ZNF362: variants seen among roughly 807,000 people sequenced by gnomAD.
ZNF362 encodes the protein zinc finger protein 362.
Under a neutral mutation model 42.9 loss-of-function variants are expected in ZNF362, and 11 were observed. That is an observed-to-expected ratio of 0.26 (90% CI 0.16 to 0.42). ZNF362 has a LOEUF of 0.42. ZNF362 is among the 20% of genes least tolerant of loss of function. The probability of loss-of-function intolerance (pLI) is 1.00; values close to 1 mark genes in which losing one functional copy is unlikely to be tolerated. For synonymous variants in ZNF362, 255 were observed against 257.3 expected, an observed-to-expected ratio of 0.99 and a Z score of 0.09; for missense variants, 362 against 576.2, an observed-to-expected ratio of 0.63 and a Z score of 3.81.
chr1:33,222,328 C>A, the ZNF362 span, among the ~76,000 whole-genome samples: 1 of 152,148 alleles, frequency 6.6e-6, no homozygotes, highest in Non-Finnish European at 1.5e-5. Context: ...CCCTGTACAT[C>A]CTACCTCCAA....
At chr1:33,180,963 C>G in the ZNF362 span, 1 of 575,234 alleles carries the variant, frequency 1.7e-6, no homozygotes. Context: ...TGACCCCACC[C>G]CCCGCCCGGC....
At chr1:33,203,651 A>G in the ZNF362 span, among the ~76,000 whole-genome samples, 1 of 152,094 alleles carries the variant, frequency 6.6e-6, no homozygotes, top group Non-Finnish European at 1.5e-5. Context: ...CATCTTTTTG[A>G]TAATAACCAT....
chr1:33,295,286 G>A lies in ZNF362; in HGVS notation c.1127G>A (p.Cys376Tyr), dbSNP rs762700780. The A allele has an allele frequency of 6.2e-7, 1 of 1,614,188 alleles. No individual in the cohort carries two copies. Residue 376 changes from cysteine to tyrosine, a missense_variant, in exon 8 of 9, where the codon TGT becomes TAT. Cys to Tyr is a radical substitution (Grantham distance 194). Transcript: ENST00000539719. ...GCCAAGGCCTACTGCTGCAGCATGT[G>A]TGGGCGGGCCTACACCTCGGTGAGT... The part of the protein sequence containing the change: ...KHAKAYCCSM[C>Y]GRAYTSETYL...
chr1:33,249,134 G>A, the ZNF362 span, among the ~76,000 whole-genome samples: 6 of 152,222 alleles, frequency 3.9e-5, no homozygotes, highest in Non-Finnish European at 8.8e-5. Context: ...GAAGATGGTA[G>A]AAGGTCACCC....
the ZNF362 span, among the ~76,000 whole-genome samples, chr1:33,190,288 G>A: frequency 6.6e-6 from 1 of 152,092 alleles, no homozygotes; most frequent in African/African-American, 2.4e-5. Context: ...AGATCTCTGT[G>A]GGTAAGGGCC....
chr1:33,271,094 C>G (rs1021909113), intron 2 of ZNF362, among the ~76,000 whole-genome samples: 10 of 152,188 alleles, frequency 6.6e-5, no homozygotes, highest in African/African-American at 2.4e-4. Context: ...CTAGTCCCCT[C>G]TACATTGGGC....
the ZNF362 span, among the ~76,000 whole-genome samples, chr1:33,209,134 T>A: frequency 6.6e-6 from 1 of 152,184 alleles, no homozygotes; most frequent in Non-Finnish European, 1.5e-5. Context: ...CATGAAAGGC[T>A]GTTGAATTTT....
chr1:33,264,792 A>G (rs1361165546), intron 1 of ZNF362, among the ~76,000 whole-genome samples: 1 of 152,050 alleles, frequency 6.6e-6, no homozygotes, highest in African/African-American at 2.4e-5. Context: ...TACCTCTCTG[A>G]GCCTCATTCC....
intron 2 of ZNF362, among the ~76,000 whole-genome samples, chr1:33,275,703 C>A (rs1294061128): frequency 6.6e-6 from 1 of 152,192 alleles, no homozygotes; most frequent in Non-Finnish European, 1.5e-5. Flanking sequence ...TTGCTGCAGT[C>A]CTCCCCAGTT....
At chr1:33,137,043 G>T in the ZNF362 span, among the ~76,000 whole-genome samples, 1 of 151,938 alleles carries the variant, frequency 6.6e-6, no homozygotes, top group African/African-American at 2.4e-5. Flanking sequence ...TGTTGGGAGT[G>T]GGGGAGTGAC....
At chr1:33,173,725 G>A in the ZNF362 span, among the ~76,000 whole-genome samples, 1 of 151,226 alleles carries the variant, frequency 6.6e-6, no homozygotes, top group Non-Finnish European at 1.5e-5. Flanking sequence ...TAGAGACAAG[G>A]GCTCACTCTA....
chr1:33,231,830 C>G, the ZNF362 span, among the ~76,000 whole-genome samples: 2 of 152,184 alleles, frequency 1.3e-5, no homozygotes, highest in Non-Finnish European at 2.9e-5. Context: ...CTCAGCCCTA[C>G]TAAGGCAGCT....
chr1:33,181,524 C>A, the ZNF362 span: 1 of 1,450,510 alleles, frequency 6.9e-7, no homozygotes, highest in Non-Finnish European at 9.0e-7. This position sits in a 1 kb window ranked among gnomAD's most constrained non-coding sequence, Gnocchi z 6.5. Context: ...GGGCTGGGCG[C>A]GGGGACGAGG....
the ZNF362 span, among the ~76,000 whole-genome samples, chr1:33,239,225 ATGCT>A: frequency 1.3e-5 from 2 of 152,204 alleles, no homozygotes; most frequent in Admixed American, 6.5e-5. Context: ...GTTGCAGACA[ATGCT>A]AAAGGTAGAT....
chr1:33,234,372 C>G, the ZNF362 span, among the ~76,000 whole-genome samples: 1 of 152,184 alleles, frequency 6.6e-6, no homozygotes, highest in African/African-American at 2.4e-5. Flanking sequence ...CCTTCCCTCC[C>G]CACCCACGCC....
At chr1:33,173,253 G>A in the ZNF362 span, among the ~76,000 whole-genome samples, 1 of 152,166 alleles carries the variant, frequency 6.6e-6, no homozygotes, top group African/African-American at 2.4e-5. Context: ...CCTGCTTCTA[G>A]GGTCTCCCAC....
the ZNF362 span, among the ~76,000 whole-genome samples, chr1:33,137,034 G>A: frequency 6.6e-6 from 1 of 152,040 alleles, no homozygotes; most frequent in African/African-American, 2.4e-5. Context: ...GCCAGTGCTT[G>A]TTGGGAGTGG....
chr1:33,158,343 T>C, the ZNF362 span: 2 of 1,613,896 alleles, frequency 1.2e-6, no homozygotes, highest in Non-Finnish European at 1.7e-6. Context: ...TATGTGAGGT[T>C]GGTCTCATGG....
the ZNF362 span, among the ~76,000 whole-genome samples, chr1:33,178,910 T>C: frequency 9.8e-5 from 15 of 152,350 alleles, no homozygotes; most frequent in African/African-American, 3.6e-4. Flanking sequence ...TAATTTGGAT[T>C]TCCTGGTTTG....
Sources: allele counts gnomAD v4.1 joint callset (sites outside exome capture counted in the v4.1 genomes callset), GRCh38; gene constraint gnomAD v4.1.1; non-coding constraint Gnocchi (gnomAD v3.1); transcripts MANE v1.5; gene names NCBI Gene and HGNC (gene_info 2026-07-23, HGNC 2026-07-21).